The following GOLPH3L variants were observed in gnomAD, a reference collection of about 807,000 sequenced individuals.
The protein encoded by GOLPH3L is Golgi phosphoprotein 3-like.
Under a neutral mutation model 30.3 loss-of-function variants are expected in GOLPH3L, and 22 were observed. The observed-to-expected ratio is 0.73, with a 90% CI of 0.52 to 1.04. The LOEUF (loss-of-function observed/expected upper bound fraction) is 1.04, where lower values mean the gene tolerates loss of function less well. GOLPH3L is among the 50% of genes least tolerant of loss of function. The probability of loss-of-function intolerance (pLI) is 0.00; values close to 1 mark genes in which losing one functional copy is unlikely to be tolerated. For synonymous variants in GOLPH3L, 120 were observed against 128.2 expected (o/e 0.94, Z 0.43); for missense variants, 303 against 345.8 (o/e 0.88, Z 0.98).
chr1:150,661,908 GCTGT>G lies in GOLPH3L; in HGVS notation c.332_335del (p.Asp111AlafsTer12), dbSNP rs746851850. 1 of 1,565,344 alleles carries G rather than the reference GCTGT, an allele frequency of 6.4e-7. No individual in the cohort carries two copies. Among genetic ancestry groups the G allele is most frequent in the Non-Finnish European group, 8.8e-7 (1 of 1,135,360 alleles). On this transcript the variant is annotated frameshift_variant, in exon 4 of 5. Coordinates refer to ENST00000271732, the MANE Select transcript of GOLPH3L (RefSeq NM_018178.6). LOFTEE classifies it high-confidence loss of function. ...CATCCAGTAAAACATCACCTGTTGG[GCTGT>G]CTGACTTTAGCAGTACCTTTGAGAA... is the stretch of plus-strand genomic sequence containing the variant.
intron 4 of GOLPH3L, 40 bp from the exon 5 acceptor site, chr1:150,648,788 G>C (rs201594334): frequency 2.0e-4 from 266 of 1,313,018 alleles, no homozygotes; most frequent in Non-Finnish European, 2.5e-4. Flanking sequence ...AACTGAAAGA[G>C]AAAAGCAAAA....
intron 2 of GOLPH3L, among the ~76,000 whole-genome samples, chr1:150,687,617 T>C (rs968165548): frequency 4.3e-4 from 65 of 152,116 alleles, no homozygotes; most frequent in Non-Finnish European, 6.0e-4. Context: ...GTGAATTTTT[T>C]TTACCAGCTT....
chr1:150,674,008 A>G (rs1245813673), intron 2 of GOLPH3L, among the ~76,000 whole-genome samples: 1 of 152,024 alleles, frequency 6.6e-6, no homozygotes, highest in African/African-American at 2.4e-5. Context: ...GATTTTTTTA[A>G]ACAATAAAAT....
Position 150,648,577 on chromosome 1 carries a change from T to C in GOLPH3L, c.602A>G (p.Lys201Arg). 6.2e-7 allele frequency: 1 copy of C among 1,614,102 alleles called. No individual in the cohort carries two copies. Among genetic ancestry groups the C allele is most frequent in the South Asian group, 1.1e-5 (1 of 91,082 alleles). The change falls in exon 5 of 5, where the codon AAA (lysine) becomes AGA (arginine). Residue 201 changes from lysine (K) to arginine (R), a missense_variant. Physicochemically the swap from Lys to Arg is conservative, Grantham distance 26 (BLOSUM62 2). Coordinates refer to ENST00000271732, the MANE Select transcript of GOLPH3L (RefSeq NM_018178.6). ...TNTTEKQRLV[K>R]KLQDSVLERW... ...CTCTAGTACACTATCTTGAAGTTTT[T>C]TCACTAGTCGCTGTTTCTCTGTTGT...
intron 2 of GOLPH3L, among the ~76,000 whole-genome samples, chr1:150,674,789 G>A (rs972112084): frequency 6.6e-6 from 1 of 151,976 alleles, no homozygotes; most frequent in Non-Finnish European, 1.5e-5. Context: ...TTACTCAGGA[G>A]GCTGAGGTGG....
intron 2 of GOLPH3L, chr1:150,694,288 G>T: frequency 3.5e-6 from 1 of 284,974 alleles, no homozygotes; most frequent in Non-Finnish European, 7.0e-6. Context: ...TCATGTAAAA[G>T]ACTATTTCTC....
At chr1:150,690,198 G>A (rs1215650542) in intron 2 of GOLPH3L, among the ~76,000 whole-genome samples, 1 of 151,770 alleles carries the variant, frequency 6.6e-6, no homozygotes, top group Non-Finnish European at 1.5e-5. Flanking sequence ...TGTTGCCCAG[G>A]TTGGTCTAGA....
chr1:150,658,219 C>T (rs1187303492), intron 4 of GOLPH3L, among the ~76,000 whole-genome samples: 1 of 152,166 alleles, frequency 6.6e-6, no homozygotes, highest in Non-Finnish European at 1.5e-5. Context: ...AACACAGCCA[C>T]CCACCTGAGG....
At chr1:150,684,321 C>T (rs896136765) in intron 2 of GOLPH3L, among the ~76,000 whole-genome samples, 1 of 152,152 alleles carries the variant, frequency 6.6e-6, no homozygotes, top group Non-Finnish European at 1.5e-5. Flanking sequence ...AGAGGCTTGT[C>T]TAGTCATTTA....
intron 2 of GOLPH3L, among the ~76,000 whole-genome samples, chr1:150,668,085 G>A (rs1365404879): frequency 6.6e-6 from 1 of 152,174 alleles, no homozygotes; most frequent in Non-Finnish European, 1.5e-5. Context: ...TTCTGCACCT[G>A]GGTGTGCCCA....
intron 1 of GOLPH3L, among the ~76,000 whole-genome samples, chr1:150,695,069 T>C (rs903840674): frequency 6.6e-6 from 1 of 152,160 alleles, no homozygotes; most frequent in Non-Finnish European, 1.5e-5. Context: ...TGACAAAAGA[T>C]CAAATGAGTA....
At chr1:150,670,326 G>A (rs1037182023) in intron 2 of GOLPH3L, among the ~76,000 whole-genome samples, 4 of 152,028 alleles carry the variant, frequency 2.6e-5, no homozygotes, top group Non-Finnish European at 2.9e-5. Context: ...GGCTGGGTGT[G>A]GTGGCTCACG....
chr1:150,685,629 T>G (rs983204518), intron 2 of GOLPH3L, among the ~76,000 whole-genome samples: 7 of 151,908 alleles, frequency 4.6e-5, no homozygotes. Flanking sequence ...GCAAGAGAAT[T>G]GCTTGAACCC....
intron 2 of GOLPH3L, among the ~76,000 whole-genome samples, chr1:150,691,847 G>A (rs1010427284): frequency 1.3e-5 from 2 of 148,460 alleles, no homozygotes; most frequent in African/African-American, 4.9e-5. Flanking sequence ...GTATAACAAT[G>A]TTCATTTTCA....
chr1:150,678,800 C>G (rs1022232365), intron 2 of GOLPH3L, among the ~76,000 whole-genome samples: 5 of 152,010 alleles, frequency 3.3e-5, no homozygotes, highest in Non-Finnish European at 5.9e-5. Flanking sequence ...AGTAAAAACA[C>G]AAAAATTAGC....
At position 150,694,637 on chromosome 1, in the gene GOLPH3L, G is replaced by A; in HGVS notation, c.183+19C>T. ...ATTTAATAGTCTTTGAGATAGCCTA[G>A]CAAACCTAACTGCATTACCTCTTTA... On this transcript the variant is annotated intron_variant, in intron 2 of 4. Transcript: ENST00000271732. 2 of 1,506,458 alleles carry A rather than the reference G, an allele frequency of 1.3e-6. No individual in the cohort carries two copies. Among genetic ancestry groups the A allele is most frequent in the Non-Finnish European group, 1.8e-6 (2 of 1,102,852 alleles). 93.3% of individuals were successfully genotyped at this position (1,506,458 alleles called of 1,614,324 possible). A position where few individuals can be genotyped will look rare whatever the true frequency, so the allele number is the denominator to read the frequency against.
In GOLPH3L at chr1:150,678,284, C is replaced by CAAAAA. The variant is rs75131824; in HGVS notation, c.184-14526_184-14522dup. The stretch of plus-strand genomic sequence containing the variant: ...GGGCAACAAGATCGAAACTCCGTCT[C>CAAAAA]AAAAAAAAAAAAAAAAAAAAAAAGG... On this transcript the variant is annotated intron_variant, in intron 2 of 4. Coordinates refer to ENST00000271732, the MANE Select transcript of GOLPH3L (RefSeq NM_018178.6). Among the ~76,000 whole-genome samples, 71 of 45,922 alleles carry CAAAAA rather than the reference C, an allele frequency of 1.5e-3. 7 individuals are homozygous for CAAAAA. Among genetic ancestry groups the CAAAAA allele is most frequent in the African/African-American group, 5.0e-3 (62 of 12,486 alleles). The allele number at this position is 45,922 out of a possible 152,430, so 30.1% of individuals were successfully genotyped here. A position where few individuals can be genotyped will look rare whatever the true frequency, so the allele number is the denominator to read the frequency against.
At chr1:150,686,176 A>G (rs1386007941) in intron 2 of GOLPH3L, among the ~76,000 whole-genome samples, 1 of 151,952 alleles carries the variant, frequency 6.6e-6, no homozygotes, top group African/African-American at 2.4e-5. Flanking sequence ...CCCAGCCAGC[A>G]TGTCCTTTTT....
chr1:150,654,145 TA>T lies in GOLPH3L; in HGVS notation c.431-5398del, dbSNP rs1171052712. Among the ~76,000 whole-genome samples, 5 of 151,982 alleles carry T rather than the reference TA, an allele frequency of 3.3e-5. No individual in the cohort carries two copies. In the East Asian group the frequency reaches 7.7e-4, roughly 23 times the overall value. ...TGTAGAAGCAAAATGATAATATCAA[TA>T]AAGAGATAGAGAAAGGGACCAAAAG... On this transcript the variant is annotated intron_variant, in intron 4 of 4. Coordinates refer to ENST00000271732, the MANE Select transcript of GOLPH3L (RefSeq NM_018178.6).
Sources: allele counts gnomAD v4.1 joint callset (sites outside exome capture counted in the v4.1 genomes callset), GRCh38; gene constraint gnomAD v4.1.1; transcripts MANE v1.5; gene names NCBI Gene and HGNC (gene_info 2026-07-23, HGNC 2026-07-21).